Variants in HGSNAT observed in about 807,000 individuals in gnomAD.
The protein encoded by HGSNAT is transmembrane protein 76.
A neutral mutation model predicts 85.2 loss-of-function variants in HGSNAT; 59 were observed. That is an observed-to-expected ratio of 0.69 (90% CI 0.56 to 0.86). HGSNAT has a LOEUF of 0.86. Ranked by LOEUF, HGSNAT falls within the 40% of genes least tolerant of loss-of-function variation. HGSNAT has a pLI of 0.00. For synonymous variants in HGSNAT, 321 were observed against 304.5 expected (o/e 1.05, Z -0.56); for missense variants, 756 against 777.1 (o/e 0.97, Z 0.32).
intron 7 of HGSNAT, among the ~76,000 whole-genome samples, chr8:43,171,830 G>A (rs1158222457): frequency 6.6e-6 from 1 of 152,134 alleles, no homozygotes; most frequent in African/African-American, 2.4e-5. Flanking sequence ...ATGTGGTTAG[G>A]GCACTTTCTT....
intron 2 of HGSNAT, among the ~76,000 whole-genome samples, chr8:43,150,277 A>T (rs1802862014): frequency 6.6e-6 from 1 of 151,980 alleles, no homozygotes; most frequent in African/African-American, 2.4e-5. Flanking sequence ...TATAAGTAAG[A>T]TGTTCTCAGT....
At chr8:43,184,411 T>C (rs898094092) in intron 11 of HGSNAT, among the ~76,000 whole-genome samples, 1 of 152,242 alleles carries the variant, frequency 6.6e-6, no homozygotes, top group African/African-American at 2.4e-5. Context: ...TTTTCATGTG[T>C]CTGTTGGCTG....
At chr8:43,196,375 C>A in intron 14 of HGSNAT, 1 of 906,512 alleles carries the variant, frequency 1.1e-6, no homozygotes, top group Non-Finnish European at 1.6e-6. Context: ...TTAAATGTTT[C>A]CCTGCCTCCC....
chr8:43,170,727 A>G (rs766454286), intron 7 of HGSNAT, 33 bp downstream of exon 7: 1 of 1,327,732 alleles, frequency 7.5e-7, no homozygotes, highest in Non-Finnish European at 1.1e-6. Context: ...CAGTGGGTGC[A>G]GGTAGTCACA....
intron 10 of HGSNAT, among the ~76,000 whole-genome samples, chr8:43,179,452 G>C (rs1586735223): frequency 9.7e-6 from 1 of 103,474 alleles, no homozygotes; most frequent in Non-Finnish European, 2.0e-5. Flanking sequence ...GGGCAGAGGC[G>C]CCCCTCACCT....
At chr8:43,193,953 A>G (rs980228006) in intron 14 of HGSNAT, 110 bp downstream of exon 14, 12 of 1,518,786 alleles carry the variant, frequency 7.9e-6, no homozygotes, top group South Asian at 5.1e-5. Context: ...CTCTTGTGCT[A>G]TGGGCCTAAT....
At chr8:43,164,371 A>T (rs1469034756) in intron 5 of HGSNAT, among the ~76,000 whole-genome samples, 1 of 151,920 alleles carries the variant, frequency 6.6e-6, no homozygotes, top group African/African-American at 2.4e-5. Flanking sequence ...GCATCCAGCA[A>T]TTCTTTTTTT....
chr8:43,160,575 CT>C (rs1245288248), intron 4 of HGSNAT, among the ~76,000 whole-genome samples: 5 of 152,180 alleles, frequency 3.3e-5, no homozygotes, highest in Non-Finnish European at 5.9e-5. Context: ...AAAAAGAGTT[CT>C]CAAATATCCT....
intron 11 of HGSNAT, among the ~76,000 whole-genome samples, chr8:43,189,818 G>A (rs577108275): frequency 1.3e-5 from 2 of 152,160 alleles, no homozygotes; most frequent in Non-Finnish European, 2.9e-5. Flanking sequence ...GGATGGTCTC[G>A]ATCTGACCTC....
chr8:43,175,972 A>G (rs542007394), intron 9 of HGSNAT, among the ~76,000 whole-genome samples: 1 of 152,120 alleles, frequency 6.6e-6, no homozygotes, highest in Admixed American at 6.5e-5. Context: ...GGAGTTTGCA[A>G]ATATTTTCTC....
chr8:43,168,959 T>C (rs981718918), intron 5 of HGSNAT, among the ~76,000 whole-genome samples: 3 of 152,224 alleles, frequency 2.0e-5, no homozygotes. Context: ...TCCTGTTTTA[T>C]TGATGAGGAA....
chr8:43,178,038 GA>G (rs1178963347), intron 9 of HGSNAT, 35 bp from the exon 10 acceptor site: 1 of 1,590,292 alleles, frequency 6.3e-7, no homozygotes, highest in South Asian at 1.1e-5. Context: ...AAAAAATTTG[GA>G]AATGGCCACC....
At chr8:43,194,145 G>C in intron 14 of HGSNAT, 1 of 1,092,176 alleles carries the variant, frequency 9.2e-7, no homozygotes, top group Non-Finnish European at 1.1e-6. Context: ...TGCCTATAAC[G>C]CCAACATTTT....
intron 2 of HGSNAT, among the ~76,000 whole-genome samples, chr8:43,153,145 A>T (rs1802972569): frequency 1.3e-5 from 2 of 152,100 alleles, no homozygotes; most frequent in South Asian, 4.1e-4. Context: ...TCGTTTATGT[A>T]GCCAAAAAAG....
intron 1 of HGSNAT, 130 bp downstream of exon 1, chr8:43,140,744 T>C: frequency 3.3e-6 from 1 of 306,072 alleles, no homozygotes; most frequent in East Asian, 7.9e-5. Context: ...TGGCCTGGGC[T>C]GTTGCTGCGA....
At chr8:43,177,871 G>T (rs1265492149) in intron 9 of HGSNAT, among the ~76,000 whole-genome samples, 1 of 152,198 alleles carries the variant, frequency 6.6e-6, no homozygotes, top group African/African-American at 2.4e-5. Flanking sequence ...GACAGGACTT[G>T]AAGGTGCACT....
chr8:43,166,965 C>T (rs978193330), intron 5 of HGSNAT, among the ~76,000 whole-genome samples: 1 of 151,960 alleles, frequency 6.6e-6, no homozygotes, highest in African/African-American at 2.4e-5. Flanking sequence ...ATGGATGACT[C>T]GGGGGTTTAA....
intron 12 of HGSNAT, 96 bp from the exon 13 acceptor site, chr8:43,192,208 G>A (rs955175921): frequency 8.4e-5 from 117 of 1,387,680 alleles, no homozygotes; most frequent in Non-Finnish European, 1.1e-4. Context: ...GATTACAGGC[G>A]TGAGCCACCG....
Position 43,141,012 on chromosome 8 carries a change from C to T in HGSNAT, c.118+398C>T, listed in dbSNP as rs559919623. On this transcript the variant is annotated intron_variant, in intron 1 of 17. Transcript: ENST00000379644. ...GGGGGGGCTCGGACTCCCCCTGCAC[C>T]CAGTCCACTGTTCGGAGGGACTTAG... is the stretch of plus-strand genomic sequence containing the variant. Among the ~76,000 whole-genome samples the T allele has an allele frequency of 5.9e-5, 9 of 152,340 alleles. No individual in the cohort carries two copies. In the South Asian group the frequency reaches 1.7e-3, roughly 28 times the overall value.
Sources: allele counts gnomAD v4.1 joint callset (sites outside exome capture counted in the v4.1 genomes callset), GRCh38; gene constraint gnomAD v4.1.1; transcripts MANE v1.5; gene names NCBI Gene and HGNC (gene_info 2026-07-23, HGNC 2026-07-21).